Variants in PCCA observed in about 807,000 individuals in gnomAD.
PCCA encodes the protein propionyl-CoA carboxylase subunit alpha.
In PCCA, 74 loss-of-function variants were observed where a neutral mutation model predicts 101.3. That is an observed-to-expected ratio of 0.73 (90% CI 0.61 to 0.89). The LOEUF (loss-of-function observed/expected upper bound fraction) is 0.89. Ranked by LOEUF, PCCA falls within the 40% of genes least tolerant of loss-of-function variation. The probability of loss-of-function intolerance (pLI) is 0.00; values close to 1 mark genes in which losing one functional copy is unlikely to be tolerated. For missense variants in PCCA, 891 were observed against 907.0 expected (o/e 0.98, Z 0.23); for synonymous variants, 294 against 313.6 (o/e 0.94, Z 0.66).
At chr13:100,277,616 G>A (rs2063758708) in intron 12 of PCCA, among the ~76,000 whole-genome samples, 1 of 152,162 alleles carries the variant, frequency 6.6e-6, no homozygotes, top group South Asian at 2.1e-4. Flanking sequence ...GCGGGCAGTG[G>A]AATGACAGTC....
In PCCA at chr13:100,440,209, T is replaced by TAA. The variant is rs1555294087; in HGVS notation, c.1846-9040_1846-9039dup. On this transcript the variant is annotated intron_variant, in intron 20 of 23. Transcript: ENST00000376285. The stretch of plus-strand genomic sequence containing the variant: ...ATATATATATATATATATATATATA[T>TAA]AAAACGTGATAACTTAAAATGCCCA... Among the ~76,000 whole-genome samples the TAA allele has an allele frequency of 2.7e-3, 286 of 107,420 alleles. 2 individuals carry two copies. The highest frequency in any genetic ancestry group is 5.2e-3 in the Middle Eastern group (1 of 192). The allele number at this position is 107,420 out of a possible 152,430, so 70.5% of individuals were successfully genotyped here. A position where few individuals can be genotyped will look rare whatever the true frequency, so the allele number is the denominator to read the frequency against.
At chr13:100,314,192 A>G (rs951483517) in intron 16 of PCCA, among the ~76,000 whole-genome samples, 7 of 152,066 alleles carry the variant, frequency 4.6e-5, no homozygotes, top group African/African-American at 1.7e-4. Context: ...ACTCGCAGAA[A>G]CTCTTTGCTT....
intron 8 of PCCA, among the ~76,000 whole-genome samples, chr13:100,245,866 G>C (rs1181831034): frequency 6.6e-6 from 1 of 152,224 alleles, no homozygotes; most frequent in Non-Finnish European, 1.5e-5. Flanking sequence ...ATCCCTTGGA[G>C]GTAGACTCTG....
At chr13:100,163,927 A>G (rs976818758) in intron 6 of PCCA, among the ~76,000 whole-genome samples, 3 of 152,156 alleles carry the variant, frequency 2.0e-5, no homozygotes, top group African/African-American at 7.2e-5. Context: ...CCATCCTAAC[A>G]TTTCATATTC....
intron 7 of PCCA, among the ~76,000 whole-genome samples, chr13:100,220,491 G>C (rs546573722): frequency 7.0e-6 from 1 of 143,572 alleles, no homozygotes; most frequent in Non-Finnish European, 1.5e-5. Flanking sequence ...GCCGGGTCTT[G>C]AACTCCTTAC....
At chr13:100,385,061 A>G (rs1420513813) in intron 19 of PCCA, among the ~76,000 whole-genome samples, 1 of 152,066 alleles carries the variant, frequency 6.6e-6, no homozygotes, top group African/African-American at 2.4e-5. Context: ...TAATTTTTTC[A>G]CTTAGTCTTT....
intron 8 of PCCA, among the ~76,000 whole-genome samples, chr13:100,251,365 G>T (rs1326731464): frequency 6.6e-6 from 1 of 152,160 alleles, no homozygotes; most frequent in East Asian, 1.9e-4. Context: ...GGATAATGCT[G>T]CAGTATGTTT....
chr13:100,096,534 C>T (rs2046791618), intron 1 of PCCA, among the ~76,000 whole-genome samples: 1 of 152,184 alleles, frequency 6.6e-6, no homozygotes, highest in African/African-American at 2.4e-5. Context: ...AGTCACACAT[C>T]TCTCACTTTG....
intron 12 of PCCA, among the ~76,000 whole-genome samples, chr13:100,292,460 A>G (rs1173941369): frequency 6.6e-6 from 1 of 152,214 alleles, no homozygotes; most frequent in African/African-American, 2.4e-5. Flanking sequence ...ATGAGTTTAT[A>G]TAGTTTACAA....
At chr13:100,208,778 A>C (rs1177718518) in intron 6 of PCCA, among the ~76,000 whole-genome samples, 18 of 152,124 alleles carry the variant, frequency 1.2e-4, no homozygotes, top group Admixed American at 1.2e-3. Context: ...CTCATCTTTT[A>C]TAGTCACAGG....
At chr13:100,339,652 T>G (rs1013339102) in intron 17 of PCCA, among the ~76,000 whole-genome samples, 12 of 152,298 alleles carry the variant, frequency 7.9e-5, no homozygotes, top group African/African-American at 2.6e-4. Flanking sequence ...TTGGGATTCA[T>G]GCAGAGAAGC....
At chr13:100,200,139 C>CTT (rs1019625431) in intron 6 of PCCA, among the ~76,000 whole-genome samples, 2 of 152,100 alleles carry the variant, frequency 1.3e-5, no homozygotes, top group Non-Finnish European at 2.9e-5. Flanking sequence ...GAGTCTCACT[C>CTT]TGTCACCCAG....
chr13:100,452,693 A>G (rs898895303), intron 21 of PCCA, among the ~76,000 whole-genome samples: 1 of 151,850 alleles, frequency 6.6e-6, no homozygotes. Context: ...ACATACTGCA[A>G]TTTTCCTTTT....
At chr13:100,156,926 G>A (rs1019221232) in intron 5 of PCCA, among the ~76,000 whole-genome samples, 1 of 152,190 alleles carries the variant, frequency 6.6e-6, no homozygotes, top group African/African-American at 2.4e-5. Context: ...CTCCAGAATT[G>A]TGGGCAAAGT....
At chr13:100,276,279 T>G (rs2152606564) in intron 12 of PCCA, among the ~76,000 whole-genome samples, 1 of 151,034 alleles carries the variant, frequency 6.6e-6, no homozygotes, top group African/African-American at 2.4e-5. Context: ...TTTTTTTCAA[T>G]TTATTGAAAA....
intron 6 of PCCA, among the ~76,000 whole-genome samples, chr13:100,176,238 A>G (rs1594547381): frequency 1.3e-5 from 2 of 152,154 alleles, no homozygotes; most frequent in East Asian, 3.9e-4. Flanking sequence ...GGACTCTGAA[A>G]TTGTGGTGTT....
At chr13:100,100,657 C>T (rs1054570789) in intron 1 of PCCA, among the ~76,000 whole-genome samples, 1 of 152,200 alleles carries the variant, frequency 6.6e-6, no homozygotes, top group Non-Finnish European at 1.5e-5. Context: ...CCATGAATGT[C>T]TCCCAGGAGG....
At chr13:100,340,348 G>C in intron 18 of PCCA, 89 bp downstream of exon 18, 1 of 771,644 alleles carries the variant, frequency 1.3e-6, no homozygotes, top group South Asian at 1.4e-5. Context: ...AGATGTGGCT[G>C]ATCTCAGTTC....
At chr13:100,174,839 G>T (rs1279877482) in intron 6 of PCCA, among the ~76,000 whole-genome samples, 1 of 151,096 alleles carries the variant, frequency 6.6e-6, no homozygotes, top group East Asian at 1.9e-4. Flanking sequence ...TCTTCTTTAT[G>T]AGTATTCTTT....
Sources: gnomAD v4.1 joint callset for allele counts (sites outside exome capture counted in the v4.1 genomes callset) on GRCh38, gnomAD v4.1.1 for gene constraint, MANE v1.5 for transcripts, NCBI Gene and HGNC (gene_info 2026-07-23, HGNC 2026-07-21) for gene names.